Variants in SV2B observed in about 807,000 individuals in gnomAD.
The protein encoded by SV2B is synaptic vesicle glycoprotein 2B.
A neutral mutation model predicts 73.9 loss-of-function variants in SV2B; 41 were observed. The ratio of observed to expected loss-of-function variants is 0.56; its 90% confidence interval spans 0.43 to 0.72. SV2B has a LOEUF of 0.72. Ranked by LOEUF, SV2B falls within the 30% of genes least tolerant of loss-of-function variation. The pLI is 0.00. For missense variants in SV2B, 764 were observed against 857.8 expected, an observed-to-expected ratio of 0.89 and a Z score of 1.37; for synonymous variants, 314 against 314.2, an observed-to-expected ratio of 1.00 and a Z score of 0.01.
In SV2B at chr15:91,234,572, G is replaced by T. The variant is rs1028080899; in HGVS notation, c.451+7858G>T. Reference sequence around the variant, plus strand: ...TTTTTAGAAATGAAATAAATAGGAGGTCTACTAAACTCTTACTTGATCTGT... The same window carrying T: ...TTTTTAGAAATGAAATAAATAGGAGTTCTACTAAACTCTTACTTGATCTGT... On this transcript the variant is annotated intron_variant, in intron 2 of 12. Coordinates refer to ENST00000394232, the MANE Select transcript of SV2B (RefSeq NM_001323032.3). This position sits in a 1 kb window ranked among gnomAD's most constrained non-coding sequence, Gnocchi z 5.6. 6.6e-6 allele frequency among the ~76,000 whole-genome samples: 1 copy of T among 152,110 alleles called. No individual in the cohort carries two copies. Among genetic ancestry groups the T allele is most frequent in the Non-Finnish European group, 1.5e-5 (1 of 68,008 alleles).
chr15:91,274,299 T>G (rs2048412082), intron 9 of SV2B, among the ~76,000 whole-genome samples: 1 of 152,212 alleles, frequency 6.6e-6, no homozygotes, highest in Admixed American at 6.5e-5. Context: ...GTATACGGTG[T>G]ATATTTAGCT....
At chr15:91,226,811 A>G (rs770985520) in intron 2 of SV2B, 97 bp downstream of exon 2, 2 of 1,394,646 alleles carry the variant, frequency 1.4e-6, no homozygotes, top group East Asian at 2.4e-5. Context: ...ATATATCACA[A>G]TGTACCCATT....
intron 1 of SV2B, among the ~76,000 whole-genome samples, chr15:91,179,931 C>T (rs1162188292): frequency 6.7e-6 from 1 of 149,920 alleles, no homozygotes; most frequent in Non-Finnish European, 1.5e-5. Context: ...TTGATCCTGT[C>T]GTTATGATGT....
At chr15:91,190,854 A>T (rs1196266614) in intron 1 of SV2B, among the ~76,000 whole-genome samples, 1 of 151,992 alleles carries the variant, frequency 6.6e-6, no homozygotes, top group Non-Finnish European at 1.5e-5. Context: ...TGGTTGATTT[A>T]TCTACTTCTC....
chr15:91,260,236 G>A, intron 5 of SV2B, 84 bp from the exon 6 acceptor site: 1 of 1,203,822 alleles, frequency 8.3e-7, no homozygotes, highest in East Asian at 2.4e-5. Flanking sequence ...CATTCCCATT[G>A]AGTTTGTAGG....
intron 1 of SV2B, among the ~76,000 whole-genome samples, chr15:91,126,149 G>A (rs1254041185): frequency 1.3e-5 from 2 of 152,180 alleles, no homozygotes; most frequent in Non-Finnish European, 2.9e-5. Flanking sequence ...ACCTAAGAAA[G>A]ACAGCATCTA....
rs575020109 is a variant in SV2B at position 91,130,362 on chromosome 15, C to T, written c.-392+29999C>T. 2.0e-5 allele frequency among the ~76,000 whole-genome samples: 3 copies of T among 152,254 alleles called. No individual in the cohort carries two copies. Among genetic ancestry groups the T allele is most frequent in the East Asian group, 3.9e-4 (2 of 5,182 alleles). ...AGGGACAAGGTCAGGGTTGGAGTTA[C>T]GTGCTTGGCTAGGGCTGAAGCATCA... On this transcript the variant is annotated intron_variant, in intron 1 of 12. Transcript: ENST00000394232. This position sits in a 1 kb window ranked among gnomAD's most constrained non-coding sequence, Gnocchi z 5.6.
Position 91,292,786 on chromosome 15 carries a change from C to T in SV2B, c.*234C>T. ...AATCACAGAGCTGCGTGTTTAACTT[C>T]AAGTCTTCCCAGTCCAAGGCAGGGA... is the stretch of plus-strand genomic sequence containing the variant. On this transcript the variant is annotated 3_prime_UTR_variant, in exon 13 of 13. Coordinates refer to ENST00000394232, the MANE Select transcript of SV2B (RefSeq NM_001323032.3). 1 of 437,376 alleles carries T rather than the reference C, an allele frequency of 2.3e-6. No homozygotes were observed. Among genetic ancestry groups the T allele is most frequent in the Admixed American group, 4.1e-5 (1 of 24,660 alleles). The allele number at this position is 437,376 out of a possible 1,614,324, so 27.1% of individuals were successfully genotyped here. A position where few individuals can be genotyped will look rare whatever the true frequency, so the allele number is the denominator to read the frequency against.
chr15:91,133,025 A>C (rs995671030), intron 1 of SV2B, among the ~76,000 whole-genome samples: 39 of 152,118 alleles, frequency 2.6e-4, no homozygotes, highest in African/African-American at 8.9e-4. Flanking sequence ...TAGTTTATTT[A>C]ATTCTGTAAC....
In SV2B at chr15:91,100,286, G is replaced by A. The variant is rs959712376; in HGVS notation, c.-469G>A. 6.6e-6 allele frequency: 1 copy of A among 152,202 alleles called. No homozygotes were observed. Among genetic ancestry groups the A allele is most frequent in the Non-Finnish European group, 1.5e-5 (1 of 68,048 alleles). 9.4% of individuals were successfully genotyped at this position (152,202 alleles called of 1,614,324 possible). A position where few individuals can be genotyped will look rare whatever the true frequency, so the allele number is the denominator to read the frequency against. Reference sequence around the variant, plus strand: ...GGATCGCCCAGCTCCGCGTTAGCCGGAGCTGCACGCGGGGCTGCCGGGGCG... The same window carrying A: ...GGATCGCCCAGCTCCGCGTTAGCCGAAGCTGCACGCGGGGCTGCCGGGGCG... On this transcript the variant is annotated 5_prime_UTR_variant, in exon 1 of 13. Transcript: ENST00000394232. The surrounding 1 kb of genome is among the most constrained non-coding windows in gnomAD (Gnocchi z 6.4).
chr15:91,204,670 ACCTCAG>A (rs1237621318), intron 1 of SV2B, among the ~76,000 whole-genome samples: 1 of 147,556 alleles, frequency 6.8e-6, no homozygotes, highest in Non-Finnish European at 1.5e-5. Flanking sequence ...TGATCCTCCC[ACCTCAG>A]CCTCCTGAGT....
chr15:91,282,554 CCTT>C (rs1373925685), intron 10 of SV2B, among the ~76,000 whole-genome samples: 3 of 152,030 alleles, frequency 2.0e-5, no homozygotes, highest in African/African-American at 4.8e-5. Context: ...TTTTTTTAAT[CCTT>C]CTCTTATAGC....
At position 91,224,830 on chromosome 15, in the gene SV2B, C is replaced by T. The variant is rs557137079; in HGVS notation, c.-391-1043C>T. On this transcript the variant is annotated intron_variant, in intron 1 of 12. Coordinates refer to ENST00000394232, the MANE Select transcript of SV2B (RefSeq NM_001323032.3). This position sits in a 1 kb window ranked among gnomAD's most constrained non-coding sequence, Gnocchi z 4.9. ...CACAGTAGGCCACAATAAATGGTGG[C>T]CCCAAGCCTTGTGAAACCTGAGATT... Among the ~76,000 whole-genome samples the T allele has an allele frequency of 6.6e-6, 1 of 152,120 alleles. No homozygotes were observed. The highest frequency in any genetic ancestry group is 2.4e-5 in the African/African-American group (1 of 41,418).
At chr15:91,254,339 C>A (rs888680669) in intron 4 of SV2B, among the ~76,000 whole-genome samples, 1 of 151,288 alleles carries the variant, frequency 6.6e-6, no homozygotes, top group South Asian at 2.1e-4. Context: ...CAGGTTCAAG[C>A]AGTACTCGTG....
intron 1 of SV2B, among the ~76,000 whole-genome samples, chr15:91,169,868 C>T (rs1461524487): frequency 2.6e-5 from 4 of 152,082 alleles, no homozygotes; most frequent in African/African-American, 9.7e-5. Context: ...CATTTAGCAG[C>T]CTGGAAATTT....
At chr15:91,248,414 TCC>T (rs767784855) in intron 2 of SV2B, among the ~76,000 whole-genome samples, 6 of 152,256 alleles carry the variant, frequency 3.9e-5, no homozygotes, top group Non-Finnish European at 8.8e-5. Context: ...CATATCTTCT[TCC>T]TTGGAAATCC....
At chr15:91,151,966 T>C (rs1370366335) in intron 1 of SV2B, among the ~76,000 whole-genome samples, 4 of 152,194 alleles carry the variant, frequency 2.6e-5, no homozygotes, top group African/African-American at 9.6e-5. Context: ...GGTAGAAATA[T>C]CATTTCCTGG....
chr15:91,196,270 CTG>C (rs2045243050), intron 1 of SV2B, among the ~76,000 whole-genome samples: 1 of 152,196 alleles, frequency 6.6e-6, no homozygotes, highest in African/African-American at 2.4e-5. Flanking sequence ...ACAAGGTTCT[CTG>C]TGTCTAGAGG....
rs2045969994 is a variant in SV2B, at chr15:91,214,752, C to A, written c.-391-11121C>A. 6.6e-6 allele frequency among the ~76,000 whole-genome samples: 1 copy of A among 152,250 alleles called. No homozygotes were observed. The highest frequency in any genetic ancestry group is 2.4e-5 in the African/African-American group (1 of 41,458). ...AGGGCTTCCTTCCCCATTCCACTGGCTCACTTATTTAAGTGTTCCCCAAAC... is the reference window on the plus strand; with the variant it reads ...AGGGCTTCCTTCCCCATTCCACTGGATCACTTATTTAAGTGTTCCCCAAAC... On this transcript the variant is annotated intron_variant, in intron 1 of 12. Transcript: ENST00000394232. This position sits in a 1 kb window ranked among gnomAD's most constrained non-coding sequence, Gnocchi z 4.7.
Sources: allele counts gnomAD v4.1 joint callset (sites outside exome capture counted in the v4.1 genomes callset), GRCh38; gene constraint gnomAD v4.1.1; non-coding constraint Gnocchi (gnomAD v3.1); transcripts MANE v1.5; gene names NCBI Gene and HGNC (gene_info 2026-07-23, HGNC 2026-07-21).